Variants in ACVR1C observed in about 807,000 individuals in gnomAD.
ACVR1C encodes the protein activin receptor type-1C.
A neutral mutation model predicts 57.9 loss-of-function variants in ACVR1C; 23 were observed. The observed-to-expected ratio is 0.40, with a 90% CI of 0.29 to 0.56. The LOEUF is 0.56. Ranked by LOEUF, ACVR1C falls within the 20% of genes least tolerant of loss-of-function variation. The probability of loss-of-function intolerance (pLI) is 0.50; values close to 1 mark genes in which losing one functional copy is unlikely to be tolerated. For missense variants in ACVR1C, 480 were observed against 607.9 expected, an observed-to-expected ratio of 0.79 and a Z score of 2.21; for synonymous variants, 214 against 215.3, an observed-to-expected ratio of 0.99 and a Z score of 0.05.
chr2:157,573,663 G>T (rs1048664686), intron 2 of ACVR1C, among the ~76,000 whole-genome samples: 1 of 151,990 alleles, frequency 6.6e-6, no homozygotes, highest in Non-Finnish European at 1.5e-5. Context: ...TCTAGCCCAG[G>T]CTTCCTGATC....
intron 1 of ACVR1C, among the ~76,000 whole-genome samples, chr2:157,608,090 TC>T (rs911681725): frequency 1.3e-5 from 2 of 151,936 alleles, no homozygotes; most frequent in Admixed American, 6.6e-5. Flanking sequence ...TTTCAATTTT[TC>T]CCCATTTAGT....
intron 1 of ACVR1C, among the ~76,000 whole-genome samples, chr2:157,619,742 A>T (rs1237252375): frequency 6.6e-6 from 1 of 152,062 alleles, no homozygotes; most frequent in Non-Finnish European, 1.5e-5. Context: ...GGATGAAGAA[A>T]ATAATGAAGA....
chr2:157,542,277 T>G (rs1687643196), intron 6 of ACVR1C, among the ~76,000 whole-genome samples: 3 of 152,230 alleles, frequency 2.0e-5, no homozygotes. Context: ...ACCTATCTAT[T>G]TCAACATATT....
chr2:157,537,619 A>G (rs1176734609), intron 8 of ACVR1C, among the ~76,000 whole-genome samples: 1 of 152,152 alleles, frequency 6.6e-6, no homozygotes. Flanking sequence ...ACTATATAAA[A>G]TATTCCCCAA....
intron 1 of ACVR1C, among the ~76,000 whole-genome samples, chr2:157,588,812 C>T (rs1242920780): frequency 1.6e-5 from 2 of 123,080 alleles, no homozygotes; most frequent in Admixed American, 8.7e-5. Flanking sequence ...GATATATATG[C>T]CACACATATA....
chr2:157,551,175 G>A lies in ACVR1C; in HGVS notation c.545-783C>T, dbSNP rs116195486. ...AAGTGCAGAGATTAAGAGCACAGGC[G>A]GATTCAGATTTCAGCTCTGCCACCT... On this transcript the variant is annotated intron_variant, in intron 3 of 8. Coordinates refer to ENST00000243349, the MANE Select transcript of ACVR1C (RefSeq NM_145259.3). Among the ~76,000 whole-genome samples, 890 of 152,280 alleles carry A rather than the reference G, an allele frequency of 5.8e-3. 4 individuals carry two copies. Among genetic ancestry groups the A allele is most frequent in the African/African-American group, 0.019 (807 of 41,550 alleles).
chr2:157,581,367 G>T (rs778536412), intron 2 of ACVR1C, among the ~76,000 whole-genome samples: 2 of 152,072 alleles, frequency 1.3e-5, no homozygotes, highest in Non-Finnish European at 2.9e-5. Flanking sequence ...GAGACATGTT[G>T]AATAGAGACA....
In ACVR1C at chr2:157,533,728, G is replaced by A. The variant is rs932488254; in HGVS notation, c.*190C>T. 4.0e-5 allele frequency: 15 copies of A among 370,922 alleles called. No homozygotes were observed. The highest frequency in any genetic ancestry group is 9.2e-6 in the Non-Finnish European group (2 of 216,334). 23.0% of individuals were successfully genotyped at this position (370,922 alleles called of 1,614,324 possible). ...AAAATAAAATTAAACATAACATAGA[G>A]ATTGGATGAAGTCAACTCCTGCCCA... On this transcript the variant is annotated 3_prime_UTR_variant, in exon 9 of 9. Transcript: ENST00000243349.
At chr2:157,559,997 G>A (rs953078735) in intron 2 of ACVR1C, among the ~76,000 whole-genome samples, 3 of 151,614 alleles carry the variant, frequency 2.0e-5, no homozygotes, top group African/African-American at 7.3e-5. Context: ...GGGAGGAAAC[G>A]AAGGAAGGAA....
chr2:157,566,680 C>A (rs1457996553), intron 2 of ACVR1C, among the ~76,000 whole-genome samples: 1 of 151,634 alleles, frequency 6.6e-6, no homozygotes, highest in Non-Finnish European at 1.5e-5. Flanking sequence ...CACCACGAGA[C>A]TATATCCCAC....
At chr2:157,627,421 G>A (rs1031303554) in intron 1 of ACVR1C, among the ~76,000 whole-genome samples, 6 of 152,104 alleles carry the variant, frequency 3.9e-5, no homozygotes, top group Non-Finnish European at 7.3e-5. Context: ...TTAATCCTCA[G>A]ATTTTGTCAA....
chr2:157,561,945 T>C (rs1688237108), intron 2 of ACVR1C, among the ~76,000 whole-genome samples: 1 of 152,148 alleles, frequency 6.6e-6, no homozygotes, highest in Non-Finnish European at 1.5e-5. Context: ...GAATTTAAGA[T>C]CTACTATGTA....
chr2:157,538,217 T>C (rs557961681), intron 8 of ACVR1C, among the ~76,000 whole-genome samples: 1 of 152,288 alleles, frequency 6.6e-6, no homozygotes, highest in South Asian at 2.1e-4. Flanking sequence ...AGCTCCTCTC[T>C]TCACCTGACC....
At chr2:157,562,305 AAT>A (rs1553482192) in intron 2 of ACVR1C, among the ~76,000 whole-genome samples, 50 of 134,762 alleles carry the variant, frequency 3.7e-4, no homozygotes, top group African/African-American at 1.2e-3. Context: ...AAAAAAAAAA[AAT>A]ATATATATAT....
At chr2:157,594,402 T>C (rs1230172660) in intron 1 of ACVR1C, among the ~76,000 whole-genome samples, 1 of 136,772 alleles carries the variant, frequency 7.3e-6, no homozygotes, top group Non-Finnish European at 1.6e-5. Flanking sequence ...GGATTACCTA[T>C]GATAGATGAA....
chr2:157,599,846 A>G (rs898819493), intron 1 of ACVR1C, among the ~76,000 whole-genome samples: 3 of 152,192 alleles, frequency 2.0e-5, no homozygotes, highest in African/African-American at 7.2e-5. Flanking sequence ...CTGTGTAAAG[A>G]AAAAACACCA....
chr2:157,542,435 A>G (rs1359715164), intron 6 of ACVR1C, among the ~76,000 whole-genome samples: 3 of 152,184 alleles, frequency 2.0e-5, no homozygotes, highest in Non-Finnish European at 2.9e-5. Context: ...AAAATGGCAC[A>G]CTAAAAATAA....
At chr2:157,535,538 T>C (rs1687460519) in intron 8 of ACVR1C, among the ~76,000 whole-genome samples, 2 of 152,056 alleles carry the variant, frequency 1.3e-5, no homozygotes, top group Non-Finnish European at 2.9e-5. Flanking sequence ...ATCAAAAATA[T>C]AACAATTGGC....
At chr2:157,554,201 G>GAGAGAGAGAGAAAGAAAGAA (rs1553481316) in intron 3 of ACVR1C, among the ~76,000 whole-genome samples, 2 of 41,444 alleles carry the variant, frequency 4.8e-5, no homozygotes, top group African/African-American at 2.8e-4. Context: ...ATAAAGAAGA[G>GAGAGAGAGAGAAAGAAAGAA]AGAAAGAAAG....
Sources: gnomAD v4.1 joint callset for allele counts (sites outside exome capture counted in the v4.1 genomes callset) on GRCh38, gnomAD v4.1.1 for gene constraint, MANE v1.5 for transcripts, NCBI Gene and HGNC (gene_info 2026-07-23, HGNC 2026-07-21) for gene names.